SCFD2: variants seen among roughly 807,000 people sequenced by gnomAD.
SCFD2 encodes the protein sec1 family domain-containing protein 2.
Under a neutral mutation model 58.9 loss-of-function variants are expected in SCFD2, and 54 were observed. That is an observed-to-expected ratio of 0.92 (90% CI 0.74 to 1.15). The LOEUF (loss-of-function observed/expected upper bound fraction) is 1.15, where lower values mean the gene tolerates loss of function less well. Ranked by LOEUF, SCFD2 falls within the 50% of genes most tolerant of loss-of-function variation. The pLI is 0.00. For synonymous variants in SCFD2, 321 were observed against 335.9 expected (o/e 0.96, Z 0.49); for missense variants, 805 against 836.6 (o/e 0.96, Z 0.47).
At chr4:53,338,604 G>A (rs567915432) in intron 2 of SCFD2, among the ~76,000 whole-genome samples, 727 of 25,296 alleles carry the variant, frequency 0.029, 3 homozygotes, top group Middle Eastern at 0.042. Context: ...TTTGTGAGAT[G>A]GAGTCTCGCT....
intron 3 of SCFD2, among the ~76,000 whole-genome samples, chr4:53,276,280 C>G (rs1731324880): frequency 6.6e-6 from 1 of 151,808 alleles, no homozygotes; most frequent in Admixed American, 6.6e-5. Context: ...CAATACAGTC[C>G]ATTGAAATGC....
At chr4:53,147,278 G>A (rs920624682) in intron 4 of SCFD2, among the ~76,000 whole-genome samples, 11 of 152,132 alleles carry the variant, frequency 7.2e-5, no homozygotes, top group Non-Finnish European at 1.0e-4. Flanking sequence ...TCCTCTTTTT[G>A]AAGAGAAAGT....
intron 2 of SCFD2, among the ~76,000 whole-genome samples, chr4:53,347,242 T>C (rs1172189103): frequency 1.3e-5 from 2 of 152,206 alleles, no homozygotes; most frequent in African/African-American, 2.4e-5. Context: ...GAGATCCCCA[T>C]GCCCTCTTCC....
Position 53,301,403 on chromosome 4 carries a change from G to C in SCFD2, c.1135+12233C>G, listed in dbSNP as rs371535489. 2.4e-4 allele frequency among the ~76,000 whole-genome samples: 36 copies of C among 152,098 alleles called. No homozygotes were observed. The East Asian group carries it at 2.5e-3, about 11-fold the overall frequency. ...CACTCTCCCAAGACTAAACCAGGAAGAGGTTGAATCTCTGAATAGACCAAT... is the reference window on the plus strand; with the variant it reads ...CACTCTCCCAAGACTAAACCAGGAACAGGTTGAATCTCTGAATAGACCAAT... On this transcript the variant is annotated intron_variant, in intron 3 of 8. Transcript: ENST00000401642.
intron 5 of SCFD2, among the ~76,000 whole-genome samples, chr4:53,124,444 C>A (rs1196089030): frequency 2.0e-5 from 3 of 152,060 alleles, no homozygotes; most frequent in African/African-American, 7.2e-5. Context: ...TAAAGAAAAT[C>A]AGTTCCAAAT....
intron 5 of SCFD2, among the ~76,000 whole-genome samples, chr4:53,111,525 C>A (rs1170396190): frequency 2.0e-5 from 3 of 152,026 alleles, no homozygotes; most frequent in Non-Finnish European, 2.9e-5. Context: ...TAGAACAAAC[C>A]ATAGCCTAAA....
chr4:53,176,923 T>G (rs1727353156), intron 4 of SCFD2, among the ~76,000 whole-genome samples: 1 of 132,442 alleles, frequency 7.6e-6, no homozygotes, highest in African/African-American at 2.9e-5. Flanking sequence ...CACTCCAGCC[T>G]GGAAAACAGA....
intron 2 of SCFD2, among the ~76,000 whole-genome samples, chr4:53,330,399 A>C (rs1013440085): frequency 1.4e-4 from 21 of 152,322 alleles, no homozygotes; most frequent in Non-Finnish European, 2.4e-4. Context: ...CGTATCTCTC[A>C]GCAGAAACCC....
chr4:53,267,531 G>C (rs1272816347), intron 4 of SCFD2, among the ~76,000 whole-genome samples: 1 of 152,122 alleles, frequency 6.6e-6, no homozygotes, highest in African/African-American at 2.4e-5. Flanking sequence ...GATAAAAGTA[G>C]GATTTTAGTA....
At chr4:52,989,618 T>G (rs1721575294) in intron 5 of SCFD2, among the ~76,000 whole-genome samples, 2 of 152,192 alleles carry the variant, frequency 1.3e-5, no homozygotes, top group South Asian at 4.1e-4. Context: ...AAACCTTTGC[T>G]CCCTTGTTTA....
At chr4:53,302,669 C>G (rs1366102817) in intron 3 of SCFD2, among the ~76,000 whole-genome samples, 2 of 152,186 alleles carry the variant, frequency 1.3e-5, no homozygotes, top group Non-Finnish European at 2.9e-5. Context: ...AAGAACAAAA[C>G]TAGAGGCATC....
chr4:53,171,827 T>C (rs1727186044), intron 4 of SCFD2, among the ~76,000 whole-genome samples: 1 of 151,974 alleles, frequency 6.6e-6, no homozygotes, highest in African/African-American at 2.4e-5. Flanking sequence ...TTCTGTGGTA[T>C]CACCTTCAAT....
At chr4:52,992,707 C>T (rs1245225358) in intron 5 of SCFD2, among the ~76,000 whole-genome samples, 8 of 151,536 alleles carry the variant, frequency 5.3e-5, no homozygotes, top group African/African-American at 7.3e-5. Context: ...GGAGCGTCTC[C>T]GCCCGGCCGC....
intron 1 of SCFD2, among the ~76,000 whole-genome samples, chr4:53,363,049 T>A (rs1734589717): frequency 6.6e-6 from 1 of 152,204 alleles, no homozygotes; most frequent in Non-Finnish European, 1.5e-5. Flanking sequence ...TCTGGACACT[T>A]GATAAGGGAG....
At chr4:53,298,698 T>C (rs972536465) in intron 3 of SCFD2, among the ~76,000 whole-genome samples, 2 of 152,116 alleles carry the variant, frequency 1.3e-5, no homozygotes, top group Non-Finnish European at 2.9e-5. Flanking sequence ...CACCCCCCAG[T>C]AGCGGTGAAC....
At chr4:52,991,993 C>T (rs1312389716) in intron 5 of SCFD2, among the ~76,000 whole-genome samples, 9 of 151,992 alleles carry the variant, frequency 5.9e-5, no homozygotes, top group Admixed American at 5.2e-4. Context: ...GCCTCTCCCT[C>T]TCCCTCTCCC....
chr4:52,896,479 G>A (rs575223921), intron 7 of SCFD2, among the ~76,000 whole-genome samples: 7 of 152,036 alleles, frequency 4.6e-5, no homozygotes, highest in South Asian at 2.1e-4. Flanking sequence ...GTAGATATGC[G>A]GCATTATTTC....
intron 8 of SCFD2, among the ~76,000 whole-genome samples, chr4:52,878,082 GA>G (rs1372219377): frequency 6.6e-6 from 1 of 152,158 alleles, no homozygotes; most frequent in Non-Finnish European, 1.5e-5. Context: ...ACTCCCCACA[GA>G]AAGCCTTCCC....
intron 4 of SCFD2, among the ~76,000 whole-genome samples, chr4:53,268,274 G>A (rs2149062444): frequency 6.6e-6 from 1 of 152,208 alleles, no homozygotes; most frequent in East Asian, 1.9e-4. Flanking sequence ...CACGTGGAAG[G>A]TGGTGGAAGT....
Sources: gnomAD v4.1 joint callset for allele counts (sites outside exome capture counted in the v4.1 genomes callset) on GRCh38, gnomAD v4.1.1 for gene constraint, MANE v1.5 for transcripts, NCBI Gene and HGNC (gene_info 2026-07-23, HGNC 2026-07-21) for gene names.